MAML3: variants seen among roughly 807,000 people sequenced by gnomAD.
MAML3 encodes the protein mastermind like transcriptional coactivator 3.
Under a neutral mutation model 101.9 loss-of-function variants are expected in MAML3, and 27 were observed. That is an observed-to-expected ratio of 0.27 (90% CI 0.20 to 0.37). The LOEUF (loss-of-function observed/expected upper bound fraction) is 0.37, where lower values mean the gene tolerates loss of function less well. MAML3 is among the 10% of genes least tolerant of loss of function. MAML3 has a pLI of 1.00. For missense variants in MAML3, 1,316 were observed against 1,444.9 expected (o/e 0.91, Z 1.45); for synonymous variants, 501 against 555.9 (o/e 0.90, Z 1.39).
intron 2 of MAML3, among the ~76,000 whole-genome samples, chr4:139,793,954 C>T (rs1304812761): frequency 6.6e-6 from 1 of 152,142 alleles, no homozygotes; most frequent in African/African-American, 2.4e-5. Flanking sequence ...TACATCTTGG[C>T]TACTCACCTT....
intron 4 of MAML3, among the ~76,000 whole-genome samples, chr4:139,725,339 G>A (rs1309655998): frequency 2.0e-5 from 3 of 152,132 alleles, no homozygotes; most frequent in Non-Finnish European, 4.4e-5. Flanking sequence ...AAAAAGATGT[G>A]GCACAAGATT....
chr4:139,925,432 G>T (rs1733202407), intron 1 of MAML3, among the ~76,000 whole-genome samples: 1 of 152,168 alleles, frequency 6.6e-6, no homozygotes, highest in Non-Finnish European at 1.5e-5. Context: ...GTTTCGTCAT[G>T]TTGGCCAGGC....
Position 139,890,292 on chromosome 4 carries a change from C to G in MAML3, c.1144G>C (p.Gly382Arg). 1 of 1,613,766 alleles carries G rather than the reference C, an allele frequency of 6.2e-7. No homozygotes were observed. Among genetic ancestry groups the G allele is most frequent in the Non-Finnish European group, 8.5e-7 (1 of 1,179,804 alleles). ...GSPQARPSSS[G>R]PPFSTVSTAT... ...GTGGAGACAGTAGAAAAGGGAGGAC[C>G]AGAAGAAGAAGGCCTCGCCTGGGGA... The change falls in exon 2 of 5, where the codon GGT (glycine) becomes CGT (arginine). Residue 382 changes from glycine (G) to arginine (R), a missense_variant. Coordinates refer to ENST00000509479, the MANE Select transcript of MAML3 (RefSeq NM_018717.5). The surrounding 1 kb of genome is among the most constrained non-coding windows in gnomAD (Gnocchi z 4.1).
chr4:140,152,789 GCT>G lies in MAML3; in HGVS notation c.468+69_468+70del, dbSNP rs1729197633. ...AGACCCTTGTACCCCCATGTAAGAAGCTCCACGCGCCCCCCACCACCACCACC... is the reference window on the plus strand; with the variant it reads ...AGACCCTTGTACCCCCATGTAAGAAGCCACGCGCCCCCCACCACCACCACC... On this transcript the variant is annotated intron_variant, in intron 1 of 4. Coordinates refer to ENST00000509479, the MANE Select transcript of MAML3 (RefSeq NM_018717.5). The G allele has an allele frequency of 2.6e-6, 4 of 1,556,468 alleles. No individual in the cohort carries two copies. The Admixed American group carries it at 7.2e-5, about 28-fold the overall frequency.
chr4:140,117,832 C>T (rs1045719832), intron 1 of MAML3, among the ~76,000 whole-genome samples: 1 of 151,750 alleles, frequency 6.6e-6, no homozygotes, highest in Non-Finnish European at 1.5e-5. Context: ...ATCAAAGGAG[C>T]CCAACAGTTT....
intron 1 of MAML3, among the ~76,000 whole-genome samples, chr4:139,979,793 G>A (rs1027071167): frequency 5.9e-5 from 9 of 152,176 alleles, no homozygotes; most frequent in Non-Finnish European, 7.3e-5. Context: ...TGCTGGTGCC[G>A]TGATCTCGGA....
intron 1 of MAML3, among the ~76,000 whole-genome samples, chr4:140,042,732 C>T (rs899733001): frequency 9.2e-5 from 14 of 152,076 alleles, no homozygotes; most frequent in African/African-American, 2.2e-4. Flanking sequence ...GACAGTGTTG[C>T]GGGGATTTGG....
At chr4:139,882,962 T>C (rs1207375401) in intron 2 of MAML3, among the ~76,000 whole-genome samples, 3 of 152,214 alleles carry the variant, frequency 2.0e-5, no homozygotes, top group Non-Finnish European at 4.4e-5. Flanking sequence ...ATTGGTTCCA[T>C]AGGAACAATC....
At chr4:140,074,600 C>T (rs1251348207) in intron 1 of MAML3, among the ~76,000 whole-genome samples, 1 of 152,216 alleles carries the variant, frequency 6.6e-6, no homozygotes, top group African/African-American at 2.4e-5. Context: ...CGCATCCCAG[C>T]TCTTCTGGTG....
intron 1 of MAML3, among the ~76,000 whole-genome samples, chr4:140,097,328 C>G (rs1010960438): frequency 1.3e-5 from 2 of 152,196 alleles, no homozygotes; most frequent in African/African-American, 4.8e-5. Flanking sequence ...TTTCCTCTCT[C>G]CCTCCACCTT....
chr4:139,865,502 T>TG lies in MAML3; in HGVS notation c.2079+23854_2079+23855insC, dbSNP rs200847120. On this transcript the variant is annotated intron_variant, in intron 2 of 4. Coordinates refer to ENST00000509479, the MANE Select transcript of MAML3 (RefSeq NM_018717.5). ...TGTAAAAGGTTTTTTTTTTGTTTTTTTTTTTTTTCATTCTCTAACTAAACA... is the reference window on the plus strand; with the variant it reads ...TGTAAAAGGTTTTTTTTTTGTTTTTTGTTTTTTTTCATTCTCTAACTAAACA... Among the ~76,000 whole-genome samples the TG allele has an allele frequency of 7.5e-3, 1,127 of 151,110 alleles. 10 individuals are homozygous for TG. The highest frequency in any genetic ancestry group is 0.011 in the Non-Finnish European group (756 of 67,914).
chr4:139,882,393 G>A (rs998771205), intron 2 of MAML3, among the ~76,000 whole-genome samples: 2 of 150,902 alleles, frequency 1.3e-5, no homozygotes, highest in African/African-American at 4.9e-5. Flanking sequence ...GTATCATCAT[G>A]AAATTTCAGG....
chr4:140,011,233 C>CATATATATATATATAT (rs70943468), intron 1 of MAML3, among the ~76,000 whole-genome samples: 4,628 of 119,370 alleles, frequency 0.039, 194 homozygotes, highest in Non-Finnish European at 0.057. Flanking sequence ...ATAAAGTGTG[C>CATATATATATATATAT]ATATATATAT....
intron 1 of MAML3, among the ~76,000 whole-genome samples, chr4:139,973,389 A>T (rs982756659): frequency 2.6e-5 from 4 of 152,254 alleles, no homozygotes; most frequent in African/African-American, 9.6e-5. Context: ...TGCAGGCCAA[A>T]TTCAAAACAG....
chr4:140,149,577 GTACTTCGGACA>G (rs1729121245), intron 1 of MAML3, among the ~76,000 whole-genome samples: 1 of 152,212 alleles, frequency 6.6e-6, no homozygotes, highest in African/African-American at 2.4e-5. Flanking sequence ...TCGATATTTA[GTACTTCGGACA>G]TATTGGTCCT....
chr4:140,122,912 T>G (rs1415422846), intron 1 of MAML3, among the ~76,000 whole-genome samples: 5 of 152,240 alleles, frequency 3.3e-5, no homozygotes, highest in African/African-American at 9.6e-5. Flanking sequence ...CTTAAGAGTT[T>G]TTAACCTGCT....
At chr4:139,902,936 C>G (rs1732755760) in intron 1 of MAML3, among the ~76,000 whole-genome samples, 1 of 152,156 alleles carries the variant, frequency 6.6e-6, no homozygotes, top group Non-Finnish European at 1.5e-5. Context: ...CAATCTGAAG[C>G]TAAAAGACAA....
At chr4:139,971,284 T>C (rs1163282003) in intron 1 of MAML3, among the ~76,000 whole-genome samples, 2 of 152,158 alleles carry the variant, frequency 1.3e-5, no homozygotes, top group East Asian at 3.9e-4. Context: ...CAATCAACTC[T>C]CATTTGGTGA....
At chr4:140,151,299 G>A (rs1382698925) in intron 1 of MAML3, among the ~76,000 whole-genome samples, 1 of 152,024 alleles carries the variant, frequency 6.6e-6, no homozygotes, top group South Asian at 2.1e-4. Context: ...GGAGGGAGGA[G>A]GGGTTGAGCG....
Sources: gnomAD v4.1 joint callset for allele counts (sites outside exome capture counted in the v4.1 genomes callset) on GRCh38, gnomAD v4.1.1 for gene constraint, Gnocchi (gnomAD v3.1) non-coding constraint, MANE v1.5 for transcripts, NCBI Gene and HGNC (gene_info 2026-07-23, HGNC 2026-07-21) for gene names.